Variants in TBC1D22A observed in about 807,000 individuals in gnomAD.
TBC1D22A encodes putative GTPase activator.
Under a neutral mutation model 60.2 loss-of-function variants are expected in TBC1D22A, and 38 were observed. The observed-to-expected ratio is 0.63, with a 90% CI of 0.49 to 0.83. TBC1D22A has a LOEUF of 0.83. Ranked by LOEUF, TBC1D22A falls within the 40% of genes least tolerant of loss-of-function variation. The pLI is 0.00. For missense variants in TBC1D22A, 628 were observed against 701.0 expected, an observed-to-expected ratio of 0.90 and a Z score of 1.18; for synonymous variants, 302 against 281.7, an observed-to-expected ratio of 1.07 and a Z score of -0.72.
At chr22:46,806,808 G>A (rs2085160716) in intron 4 of TBC1D22A, among the ~76,000 whole-genome samples, 1 of 152,168 alleles carries the variant, frequency 6.6e-6, no homozygotes, top group Admixed American at 6.5e-5. Flanking sequence ...TGGCTGGTGG[G>A]TCCCACCCAG....
At chr22:46,970,413 T>G (rs1376575829) in intron 8 of TBC1D22A, among the ~76,000 whole-genome samples, 1 of 152,244 alleles carries the variant, frequency 6.6e-6, no homozygotes, top group Non-Finnish European at 1.5e-5. Flanking sequence ...CCTTTCTCAT[T>G]TGTGATCTTA....
intron 4 of TBC1D22A, among the ~76,000 whole-genome samples, chr22:46,841,763 T>A (rs2086782141): frequency 6.6e-6 from 1 of 152,234 alleles, no homozygotes; most frequent in Admixed American, 6.5e-5. Flanking sequence ...GGATCTCATG[T>A]ACAGCATGAT....
Position 46,892,583 on chromosome 22 carries a change from T to C in TBC1D22A, c.837+1189T>C, listed in dbSNP as rs531909532. Among the ~76,000 whole-genome samples, 23 of 152,364 alleles carry C rather than the reference T, an allele frequency of 1.5e-4. 2 individuals carry two copies. The South Asian group carries it at 4.3e-3, about 29-fold the overall frequency. ...GAAACTGATTTGATACACAGATTAC[T>C]TTGGATTTGCTTAAGGAAATATTAG... On this transcript the variant is annotated intron_variant, in intron 6 of 12. Coordinates refer to ENST00000337137, the MANE Select transcript of TBC1D22A (RefSeq NM_014346.5).
At chr22:47,075,089 G>T (rs1276700972) in intron 11 of TBC1D22A, among the ~76,000 whole-genome samples, 3 of 152,134 alleles carry the variant, frequency 2.0e-5, no homozygotes, top group Admixed American at 1.3e-4. Context: ...CACGCATGTT[G>T]GCGGGCGCCT....
At chr22:46,975,686 C>T (rs1217326328) in intron 9 of TBC1D22A, among the ~76,000 whole-genome samples, 1 of 152,180 alleles carries the variant, frequency 6.6e-6, no homozygotes, top group African/African-American at 2.4e-5. Flanking sequence ...GAAGAGGTCT[C>T]AGCTCATCTA....
chr22:47,002,401 C>G (rs2061434890), intron 10 of TBC1D22A, among the ~76,000 whole-genome samples: 1 of 152,230 alleles, frequency 6.6e-6, no homozygotes, highest in African/African-American at 2.4e-5. Context: ...CAGAGCCCCT[C>G]TGTGTGAATT....
chr22:47,162,900 G>A (rs1367233939), intron 12 of TBC1D22A, among the ~76,000 whole-genome samples: 2 of 152,172 alleles, frequency 1.3e-5, no homozygotes, highest in Non-Finnish European at 2.9e-5. Context: ...CTCCCCTCGA[G>A]CAGGATTTAA....
chr22:47,145,809 C>T (rs986081247), intron 12 of TBC1D22A, among the ~76,000 whole-genome samples: 7 of 152,142 alleles, frequency 4.6e-5, no homozygotes, highest in Admixed American at 1.3e-4. Flanking sequence ...TCAGGGCTTA[C>T]ACAGCCTGGG....
intron 11 of TBC1D22A, among the ~76,000 whole-genome samples, chr22:47,060,904 AG>A (rs1201266792): frequency 2.0e-5 from 3 of 152,306 alleles, no homozygotes; most frequent in Admixed American, 6.5e-5. Context: ...TGCAGAAGAC[AG>A]GTGGTCATTT....
At chr22:47,038,949 C>T (rs373694367) in intron 11 of TBC1D22A, among the ~76,000 whole-genome samples, 1 of 152,214 alleles carries the variant, frequency 6.6e-6, no homozygotes, top group Admixed American at 6.5e-5. Context: ...GGAAACAAAA[C>T]TTAATATCCT....
At chr22:46,923,420 C>T (rs1201358171) in intron 8 of TBC1D22A, among the ~76,000 whole-genome samples, 1 of 152,230 alleles carries the variant, frequency 6.6e-6, no homozygotes, top group Non-Finnish European at 1.5e-5. Flanking sequence ...GTGTGGCAAG[C>T]AGTGTGAATC....
At chr22:47,063,084 T>C (rs999269059) in intron 11 of TBC1D22A, among the ~76,000 whole-genome samples, 1 of 151,704 alleles carries the variant, frequency 6.6e-6, no homozygotes, top group Non-Finnish European at 1.5e-5. Flanking sequence ...CAGTTCTGGG[T>C]GCAGGAGCAG....
intron 11 of TBC1D22A, among the ~76,000 whole-genome samples, chr22:47,061,729 G>A (rs1021042386): frequency 5.3e-5 from 8 of 152,114 alleles, no homozygotes; most frequent in Non-Finnish European, 1.2e-4. Flanking sequence ...GTGTAGTGGA[G>A]TGGTTTGTCA....
At chr22:46,845,952 G>A (rs927871531) in intron 4 of TBC1D22A, among the ~76,000 whole-genome samples, 2 of 152,252 alleles carry the variant, frequency 1.3e-5, no homozygotes, top group African/African-American at 2.4e-5. Flanking sequence ...AGGAGCAGCC[G>A]GGGAGCTGGC....
chr22:46,762,867 G>A lies in TBC1D22A; in HGVS notation c.62+19G>A. On this transcript the variant is annotated intron_variant, in intron 1 of 12. Transcript: ENST00000337137. ...CGGGCAGGTGGGTGTGCCGCGGAGG[G>A]CCAGGTCGGGGTCAGGGGTCAGAGG... 6.8e-7 allele frequency: 1 copy of A among 1,469,468 alleles called. No individual in the cohort carries two copies. Among genetic ancestry groups the A allele is most frequent in the South Asian group, 1.4e-5 (1 of 72,076 alleles). 91.0% of individuals were successfully genotyped at this position (1,469,468 alleles called of 1,614,324 possible). A position where few individuals can be genotyped will look rare whatever the true frequency, so the allele number is the denominator to read the frequency against.
At chr22:46,970,950 A>G (rs1018121899) in intron 8 of TBC1D22A, among the ~76,000 whole-genome samples, 3 of 151,658 alleles carry the variant, frequency 2.0e-5, no homozygotes, top group African/African-American at 7.3e-5. Flanking sequence ...CCTGGCCCTC[A>G]CCCCGCTGTC....
intron 8 of TBC1D22A, among the ~76,000 whole-genome samples, chr22:46,973,641 G>A (rs552072107): frequency 7.5e-4 from 115 of 152,336 alleles, no homozygotes; most frequent in South Asian, 1.4e-3. Context: ...AGTTTTGTAA[G>A]GATCTAAAAT....
chr22:47,136,743 G>C (rs1321373376), intron 12 of TBC1D22A, among the ~76,000 whole-genome samples: 2 of 152,238 alleles, frequency 1.3e-5, no homozygotes, highest in Non-Finnish European at 2.9e-5. Context: ...GACTGCTGAG[G>C]TGAGCAAGGA....
chr22:46,788,534 T>C (rs1213759561), intron 1 of TBC1D22A, among the ~76,000 whole-genome samples: 1 of 152,178 alleles, frequency 6.6e-6, no homozygotes, highest in Admixed American at 6.5e-5. Flanking sequence ...TTTCTGTGTG[T>C]TTCATTCCTT....
Sources: allele counts gnomAD v4.1 joint callset (sites outside exome capture counted in the v4.1 genomes callset), GRCh38; gene constraint gnomAD v4.1.1; transcripts MANE v1.5; gene names NCBI Gene and HGNC (gene_info 2026-07-23, HGNC 2026-07-21).